The following ENTPD6 variants were observed in gnomAD, a reference collection of about 807,000 sequenced individuals.
ENTPD6 encodes the protein CD39 antigen-like 2.
A neutral mutation model predicts 61.5 loss-of-function variants in ENTPD6; 46 were observed. The ratio of observed to expected loss-of-function variants is 0.75; its 90% confidence interval spans 0.59 to 0.96. The LOEUF is 0.96. ENTPD6 is among the 40% of genes least tolerant of loss of function. The pLI, the probability that ENTPD6 is intolerant of heterozygous loss-of-function variation, is 0.00. For missense variants in ENTPD6, 612 were observed against 629.0 expected (o/e 0.97, Z 0.29); for synonymous variants, 252 against 255.5 (o/e 0.99, Z 0.13).
chr20:25,215,527 C>A, intron 6 of ENTPD6, 149 bp from the exon 7 acceptor site: 1 of 739,296 alleles, frequency 1.4e-6, no homozygotes, highest in Non-Finnish European at 2.4e-6. Flanking sequence ...GAGAAATGCT[C>A]CTCTCTGCCG....
rs992104250 is a variant in ENTPD6, at chr20:25,203,682, G to A, written c.-15-2840G>A. 8.6e-5 allele frequency among the ~76,000 whole-genome samples: 13 copies of A among 151,962 alleles called. 1 individual carries two copies. The East Asian group carries it at 2.1e-3, about 25-fold the overall frequency. On this transcript the variant is annotated intron_variant, in intron 1 of 14. Transcript: ENST00000376652. ...TATCTGTTTTCCTTCAGCTCTTTTA[G>A]CATATTTAAGACAGTCATTTTTAGT...
At position 25,222,752 on chromosome 20, in the gene ENTPD6, C is replaced by T. The variant is rs1260478661; in HGVS notation, c.1046-86C>T. ...TTTTCCTGACAATTCAGGTCAGAGT[C>T]TCAAGTCCCCTGGGAGGGGCCCCAA... is the stretch of plus-strand genomic sequence containing the variant. On this transcript the variant is annotated intron_variant, in intron 11 of 14. Transcript: ENST00000376652. 2.6e-6 allele frequency: 4 copies of T among 1,544,114 alleles called. No homozygotes were observed. The East Asian group carries it at 9.0e-5, about 35-fold the overall frequency.
intron 3 of ENTPD6, among the ~76,000 whole-genome samples, chr20:25,208,011 C>T (rs978621363): frequency 3.3e-5 from 5 of 152,204 alleles, no homozygotes; most frequent in African/African-American, 7.2e-5. Flanking sequence ...CCCTGATGCC[C>T]CTCTCGTGCC....
At position 25,195,747 on chromosome 20, in the gene ENTPD6, T is replaced by A. The variant is rs2090310775; in HGVS notation, c.-136T>A. 1.2e-6 allele frequency: 1 copy of A among 821,130 alleles called. No individual in the cohort carries two copies. Among genetic ancestry groups the A allele is most frequent in the Non-Finnish European group, 1.6e-6 (1 of 606,292 alleles). The allele number at this position is 821,130 out of a possible 1,614,324, so 50.9% of individuals were successfully genotyped here. A position where few individuals can be genotyped will look rare whatever the true frequency, so the allele number is the denominator to read the frequency against. ...GGCCCTAGGGAATCGTGGGGTCGTA[T>A]CCCGCGGGTGGAGGCCGGGGTGGCG... On this transcript the variant is annotated 5_prime_UTR_variant, in exon 1 of 15. Transcript: ENST00000376652.
At chr20:25,220,892 A>T (rs2123264970) in intron 10 of ENTPD6, among the ~76,000 whole-genome samples, 1 of 152,332 alleles carries the variant, frequency 6.6e-6, no homozygotes, top group East Asian at 1.9e-4. Flanking sequence ...CCACCAACCT[A>T]CCAGCTACTC....
chr20:25,209,703 T>C (rs2091818221), intron 3 of ENTPD6, 146 bp from the exon 4 acceptor site: 3 of 659,696 alleles, frequency 4.5e-6, no homozygotes, highest in East Asian at 2.5e-5. Flanking sequence ...AGTCAGAATT[T>C]AGACAAGGAA....
rs2091515683 is a variant in ENTPD6, at chr20:25,206,566, C to G, written c.30C>G (p.Ser10=). The change falls in exon 2 of 15, where the codon TCC becomes TCG. Residue 10 remains serine, a synonymous_variant. Coordinates refer to ENST00000376652, the MANE Select transcript of ENTPD6 (RefSeq NM_001247.5). The stretch of plus-strand genomic sequence containing the variant: ...AAAAAGGTATCCGTTATGAAACTTC[C>G]AGAAAAACGAGCTACATTTTTCAGG... MKKGIRYET[S]RKTSYIFQQP... is the part of the protein sequence containing the mutation. 1 of 1,613,662 alleles carries G rather than the reference C, an allele frequency of 6.2e-7. No individual in the cohort carries two copies. Among genetic ancestry groups the G allele is most frequent in the South Asian group, 1.1e-5 (1 of 91,078 alleles).
At chr20:25,223,080 A>G in intron 12 of ENTPD6, 102 bp downstream of exon 12, 7 of 1,373,758 alleles carry the variant, frequency 5.1e-6, no homozygotes, top group Non-Finnish European at 5.9e-6. Context: ...CAGGCAAGCA[A>G]CCCTGTTGTC....
At chr20:25,218,204 A>G (rs2092444358) in intron 9 of ENTPD6, among the ~76,000 whole-genome samples, 1 of 152,186 alleles carries the variant, frequency 6.6e-6, no homozygotes, top group Non-Finnish European at 1.5e-5. Context: ...GGGAGGGACC[A>G]TGGGCCACAC....
At chr20:25,221,677 C>G (rs538212112) in intron 11 of ENTPD6, 4 of 384,238 alleles carry the variant, frequency 1.0e-5, no homozygotes, top group Non-Finnish European at 2.0e-5. Context: ...CTGTGCTGTG[C>G]TGGGCGGGAA....
rs2092798680 is a variant in ENTPD6, at chr20:25,226,549, G to A, written c.*952G>A. 6.5e-6 allele frequency: 1 copy of A among 152,720 alleles called. No individual in the cohort carries two copies. Among genetic ancestry groups the A allele is most frequent in the Non-Finnish European group, 1.5e-5 (1 of 68,214 alleles). The allele number at this position is 152,720 out of a possible 1,614,324, so 9.5% of individuals were successfully genotyped here. A position where few individuals can be genotyped will look rare whatever the true frequency, so the allele number is the denominator to read the frequency against. ...CTCGGGCCACCATCCGCCCACCTCGGGCTGACCCCACCTCCTCCATGGACA... is the reference window on the plus strand; with the variant it reads ...CTCGGGCCACCATCCGCCCACCTCGAGCTGACCCCACCTCCTCCATGGACA... On this transcript the variant is annotated 3_prime_UTR_variant, in exon 15 of 15. Coordinates refer to ENST00000376652, the MANE Select transcript of ENTPD6 (RefSeq NM_001247.5).
intron 1 of ENTPD6, 112 bp from the exon 2 acceptor site, chr20:25,206,410 C>T: frequency 1.3e-6 from 1 of 775,962 alleles, no homozygotes; most frequent in Non-Finnish European, 2.2e-6. Flanking sequence ...CAAATGCTTT[C>T]ATTTTGGGTA....
intron 3 of ENTPD6, among the ~76,000 whole-genome samples, chr20:25,209,400 G>A (rs55927253): frequency 0.27 from 41,012 of 151,562 alleles, 6,491 homozygotes; most frequent in East Asian, 0.61. Flanking sequence ...GTGAGCCACC[G>A]TGCCTGGCCG....
Position 25,225,757 on chromosome 20 carries a change from A to G in ENTPD6, c.*160A>G. 1 of 624,946 alleles carries G rather than the reference A, an allele frequency of 1.6e-6. No individual in the cohort carries two copies. The highest frequency in any genetic ancestry group is 1.9e-5 in the South Asian group (1 of 51,450). 38.7% of individuals were successfully genotyped at this position (624,946 alleles called of 1,614,324 possible). On this transcript the variant is annotated 3_prime_UTR_variant, in exon 15 of 15. Coordinates refer to ENST00000376652, the MANE Select transcript of ENTPD6 (RefSeq NM_001247.5). Reference sequence around the variant, plus strand: ...GCAGAAGGCCTGGTGCTGCCCTGGCATCAGCCTCTTCCAGTCACATCTGGC... The same window carrying G: ...GCAGAAGGCCTGGTGCTGCCCTGGCGTCAGCCTCTTCCAGTCACATCTGGC...
chr20:25,203,428 CT>C (rs2091205765), intron 1 of ENTPD6, among the ~76,000 whole-genome samples: 1 of 152,228 alleles, frequency 6.6e-6, no homozygotes, highest in Non-Finnish European at 1.5e-5. Context: ...AGGGAGGCCC[CT>C]AAGTCCCTGA....
intron 5 of ENTPD6, among the ~76,000 whole-genome samples, chr20:25,214,217 C>G (rs1201991901): frequency 1.3e-5 from 2 of 152,240 alleles, no homozygotes; most frequent in African/African-American, 4.8e-5. Flanking sequence ...ACTCATTTAC[C>G]TGCAGGAGGA....
Position 25,205,271 on chromosome 20 carries a change from C to T in ENTPD6, c.-15-1251C>T, listed in dbSNP as rs79475683. Among the ~76,000 whole-genome samples, 1,151 of 151,944 alleles carry T rather than the reference C, an allele frequency of 7.6e-3. 3 individuals carry two copies. Among genetic ancestry groups the T allele is most frequent in the Non-Finnish European group, 0.013 (903 of 67,974 alleles). ...GTGGGTAAAGGGAGCTCAGAGAGTG[C>T]GTGATGGGGCATGTGCAGGTTGGGG... On this transcript the variant is annotated intron_variant, in intron 1 of 14. Transcript: ENST00000376652.
At chr20:25,218,164 C>T (rs548816597) in intron 9 of ENTPD6, among the ~76,000 whole-genome samples, 3 of 152,218 alleles carry the variant, frequency 2.0e-5, no homozygotes, top group Non-Finnish European at 2.9e-5. Context: ...TGTGCTTATT[C>T]TGCTCTACTT....
intron 4 of ENTPD6, among the ~76,000 whole-genome samples, chr20:25,212,486 T>G (rs2092035949): frequency 6.6e-6 from 1 of 152,212 alleles, no homozygotes; most frequent in Non-Finnish European, 1.5e-5. Context: ...ACCTGGTCCC[T>G]GTGTTCCCAC....
Sources: allele counts gnomAD v4.1 joint callset (sites outside exome capture counted in the v4.1 genomes callset), GRCh38; gene constraint gnomAD v4.1.1; transcripts MANE v1.5; gene names NCBI Gene and HGNC (gene_info 2026-07-23, HGNC 2026-07-21).